Variants in RAG1 observed in about 807,000 individuals in gnomAD.
The protein encoded by RAG1 is V(D)J recombination-activating protein 1.
Under a neutral mutation model 62.7 loss-of-function variants are expected in RAG1, and 35 were observed. That is an observed-to-expected ratio of 0.56 (90% CI 0.43 to 0.74). RAG1 has a LOEUF of 0.74. RAG1 is among the 30% of genes least tolerant of loss of function. The pLI, the probability that RAG1 is intolerant of heterozygous loss-of-function variation, is 0.00. For missense variants in RAG1, 1,169 were observed against 1,278.6 expected, an observed-to-expected ratio of 0.91 and a Z score of 1.31; for synonymous variants, 461 against 470.3, an observed-to-expected ratio of 0.98 and a Z score of 0.26.
At chr11:36,559,144 C>G (rs1850546651) in intron 3 of RAG1, among the ~76,000 whole-genome samples, 1 of 151,896 alleles carries the variant, frequency 6.6e-6, no homozygotes, top group Non-Finnish European at 1.5e-5. Context: ...TTTTTATTTT[C>G]TTTTAGCACT....
intron 3 of RAG1, among the ~76,000 whole-genome samples, chr11:36,562,480 G>A (rs149576629): frequency 2.0e-5 from 3 of 152,280 alleles, no homozygotes; most frequent in East Asian, 1.9e-4. Context: ...GTTGCAAGAG[G>A]TGGGGCTAGA....
At position 36,579,695 on chromosome 11, in the gene RAG1, T is replaced by C. The variant is rs796815663; in HGVS notation, c.*3259T>C. 15 of 167,100 alleles carry C rather than the reference T, an allele frequency of 9.0e-5. No homozygotes were observed. In the South Asian group the frequency reaches 3.1e-3, roughly 35 times the overall value. 10.4% of individuals were successfully genotyped at this position (167,100 alleles called of 1,614,324 possible). A position where few individuals can be genotyped will look rare whatever the true frequency, so the allele number is the denominator to read the frequency against. On this transcript the variant is annotated 3_prime_UTR_variant, in exon 2 of 2. Transcript: ENST00000299440. The stretch of plus-strand genomic sequence containing the variant: ...TTTTATATTTTAATATTTCCATTCA[T>C]TAATATTATGGTTATTGTCAGCAAT...
chr11:36,563,692 A>G (rs374493992), upstream of RAG1, among the ~76,000 whole-genome samples: 24 of 152,338 alleles, frequency 1.6e-4, no homozygotes, highest in African/African-American at 5.8e-4. Flanking sequence ...ACAAAGCCAC[A>G]TAGTTATTAT....
At chr11:36,566,091 G>C (rs889495493), upstream of RAG1, among the ~76,000 whole-genome samples, 4 of 152,224 alleles carry the variant, frequency 2.6e-5, no homozygotes, top group Non-Finnish European at 5.9e-5. Flanking sequence ...AAGAGAGAGA[G>C]AGAGAGAGAG....
rs755386846 is a variant in RAG1, at chr11:36,573,254, T to C, written c.-14-37T>C. 1.9e-6 allele frequency: 3 copies of C among 1,601,540 alleles called. No individual in the cohort carries two copies. The South Asian group carries it at 3.3e-5, about 18-fold the overall frequency. On this transcript the variant is annotated intron_variant, in intron 1 of 1. Transcript: ENST00000299440. ...ATAAGATACATCAGTGGGATATTGATATTGGTCTTAATATGACTTGTTTTC... is the reference window on the plus strand; with the variant it reads ...ATAAGATACATCAGTGGGATATTGACATTGGTCTTAATATGACTTGTTTTC...
chr11:36,565,575 C>A (rs1207788036), upstream of RAG1, among the ~76,000 whole-genome samples: 2 of 152,156 alleles, frequency 1.3e-5, no homozygotes, highest in Non-Finnish European at 2.9e-5. Flanking sequence ...TTGTCTCTTG[C>A]AACAATTGGC....
rs756679254 is a variant in RAG1, at chr11:36,573,390, A to G, written c.86A>G (p.Lys29Arg). ...CCACATATTAAATTTTCAGAATGGA[A>G]ATTTAAGCTGTTCCGGGTGAGATCC... ...QHPHIKFSEWKFKLFRVRSFE... is the reference protein window; with the variant it reads ...QHPHIKFSEWRFKLFRVRSFE... Residue 29 changes from lysine to arginine, a missense_variant, in exon 2 of 2, where the codon AAA becomes AGA. Coordinates refer to ENST00000299440, the MANE Select transcript of RAG1 (RefSeq NM_000448.3). 3.1e-6 allele frequency: 5 copies of G among 1,614,114 alleles called. No individual in the cohort carries two copies. The highest frequency in any genetic ancestry group is 4.2e-6 in the Non-Finnish European group (5 of 1,180,018).
chr11:36,520,245 A>G (rs1222270364), intron 2 of RAG1: 1 of 152,196 alleles, frequency 6.6e-6, no homozygotes, highest in Non-Finnish European at 1.5e-5. Context: ...TCATATGTTC[A>G]CAAACTGGAT....
At chr11:36,571,459 C>T (rs185265982) in intron 1 of RAG1, among the ~76,000 whole-genome samples, 2 of 152,128 alleles carry the variant, frequency 1.3e-5, no homozygotes, top group African/African-American at 4.8e-5. Flanking sequence ...TTGAGGTGTT[C>T]GTTGGGCTGC....
At chr11:36,532,630 T>C (rs1030958323) in intron 2 of RAG1, among the ~76,000 whole-genome samples, 1 of 152,160 alleles carries the variant, frequency 6.6e-6, no homozygotes, top group Admixed American at 6.6e-5. Flanking sequence ...ATTTATAAAT[T>C]TTAAATTGCA....
In RAG1 at chr11:36,574,257, T is replaced by G. The variant is rs1307873525; in HGVS notation, c.953T>G (p.Leu318Arg). The change falls in exon 2 of 2, where the codon CTC becomes CGC. Residue 318 changes from leucine (L) to arginine (R), a missense_variant. Physicochemically the swap from Leu to Arg is moderately radical, Grantham distance 102 (BLOSUM62 -2). Around this residue, in one of 2 missense-constraint regions of RAG1, gnomAD observed 800 missense variants for 943.3 expected, o/e 0.85. Transcript: ENST00000299440. Reference protein sequence around the residue: ...CKHVFCRVCILRCLKVMGSYC... With the variant: ...CKHVFCRVCIRRCLKVMGSYC... The stretch of plus-strand genomic sequence containing the variant: ...CATGTCTTTTGCCGGGTCTGCATTC[T>G]CAGATGCCTCAAAGTCATGGGCAGC... 6.2e-7 allele frequency: 1 copy of G among 1,614,086 alleles called. No homozygotes were observed. Among genetic ancestry groups the G allele is most frequent in the African/African-American group, 1.3e-5 (1 of 74,932 alleles).
In RAG1 at chr11:36,574,046, C is replaced by T; in HGVS notation, c.742C>T (p.Gln248Ter). ...GCTTGACCAAGCAAGACAAGCCCGT[C>T]AGCACAAGAGAAGAGCTCAGGCAAG... The part of the protein sequence containing the change: ...TVLDQARQAR[Q>*]HKRRAQARIS... Residue 248 changes from glutamine (Q) to a stop codon, truncating the protein, a stop_gained, in exon 2 of 2, where the codon CAG becomes TAG. Coordinates refer to ENST00000299440, the MANE Select transcript of RAG1 (RefSeq NM_000448.3). LOFTEE classifies it high-confidence loss of function. 1.9e-6 allele frequency: 3 copies of T among 1,614,140 alleles called. No homozygotes were observed. Among genetic ancestry groups the T allele is most frequent in the Non-Finnish European group, 2.5e-6 (3 of 1,180,028 alleles).
chr11:36,512,805 A>C (rs1280154847), intron 1 of RAG1, among the ~76,000 whole-genome samples: 1 of 152,220 alleles, frequency 6.6e-6, no homozygotes, highest in Non-Finnish European at 1.5e-5. Flanking sequence ...TAATGGAAAA[A>C]ATGCCAATTA....
chr11:36,534,474 C>T (rs1396224511), intron 2 of RAG1, among the ~76,000 whole-genome samples: 1 of 152,182 alleles, frequency 6.6e-6, no homozygotes, highest in African/African-American at 2.4e-5. Flanking sequence ...CTTGTTTTCC[C>T]AGTGAAACGT....
At chr11:36,533,080 A>G (rs895083230) in intron 2 of RAG1, among the ~76,000 whole-genome samples, 3 of 152,088 alleles carry the variant, frequency 2.0e-5, no homozygotes, top group African/African-American at 7.2e-5. Context: ...AGAATGTGCT[A>G]GGAATGCAAC....
chr11:36,526,522 A>G (rs183163544), intron 2 of RAG1, among the ~76,000 whole-genome samples: 2 of 152,172 alleles, frequency 1.3e-5, no homozygotes, highest in Non-Finnish European at 2.9e-5. Context: ...TGCTATTGTG[A>G]ATAGTGCCAC....
Position 36,574,028 on chromosome 11 carries a change from C to G in RAG1, c.724C>G (p.Gln242Glu). The change falls in exon 2 of 2, where the codon CAA (glutamine) becomes GAA (glutamate). Residue 242 changes from glutamine to glutamate, a missense_variant. Gln to Glu is a conservative substitution (Grantham distance 29). Transcript: ENST00000299440. ...LSKKLKTVLD[Q>E]ARQARQHKRR... ...CAAAAAACTCAAAACTGTGCTTGAC[C>G]AAGCAAGACAAGCCCGTCAGCACAA... 6.2e-7 allele frequency: 1 copy of G among 1,614,090 alleles called. No homozygotes were observed. The highest frequency in any genetic ancestry group is 8.5e-7 in the Non-Finnish European group (1 of 1,180,020).
At chr11:36,565,643 C>T (rs1564985803), upstream of RAG1, 1 of 152,184 alleles carries the variant, frequency 6.6e-6, no homozygotes, top group African/African-American at 2.4e-5. Flanking sequence ...GGATCCTAGG[C>T]AGCTCTGTCT....
intron 3 of RAG1, among the ~76,000 whole-genome samples, chr11:36,549,013 G>A (rs1850443095): frequency 6.6e-6 from 1 of 152,150 alleles, no homozygotes; most frequent in African/African-American, 2.4e-5. Flanking sequence ...ACAAAAACAA[G>A]CAATGGGGAA....
Sources: allele counts gnomAD v4.1 joint callset (sites outside exome capture counted in the v4.1 genomes callset), GRCh38; gene constraint gnomAD v4.1.1; regional missense constraint gnomAD v4.1.1; transcripts MANE v1.5; gene names NCBI Gene and HGNC (gene_info 2026-07-23, HGNC 2026-07-21).